SBF2: variants seen among roughly 807,000 people sequenced by gnomAD.
SBF2 encodes the protein SET binding factor 2.
SBF2 carries 112 observed loss-of-function variants against 225.2 expected under a neutral mutation model. The observed-to-expected ratio is 0.50, with a 90% CI of 0.43 to 0.58. SBF2 has a LOEUF of 0.58. SBF2 is among the 20% of genes least tolerant of loss of function. The pLI is 0.00. For synonymous variants in SBF2, 763 were observed against 773.3 expected (o/e 0.99, Z 0.22); for missense variants, 1,996 against 2,206.2 (o/e 0.90, Z 1.91).
Position 10,286,168 on chromosome 11 carries a change from A to G in SBF2, c.55+7847T>C, listed in dbSNP as rs199997432. 3.4e-3 allele frequency among the ~76,000 whole-genome samples: 198 copies of G among 57,628 alleles called. 2 individuals are homozygous for G. The highest frequency in any genetic ancestry group is 8.8e-3 in the South Asian group (19 of 2,160). 37.8% of individuals were successfully genotyped at this position (57,628 alleles called of 152,430 possible). A position where few individuals can be genotyped will look rare whatever the true frequency, so the allele number is the denominator to read the frequency against. On this transcript the variant is annotated intron_variant, in intron 1 of 39. Transcript: ENST00000256190. ...TTTCTTCACATAAACACGCACACGCACACACACACACACACACACACACAC... is the reference window on the plus strand; with the variant it reads ...TTTCTTCACATAAACACGCACACGCGCACACACACACACACACACACACAC...
intron 6 of SBF2, among the ~76,000 whole-genome samples, chr11:10,021,501 T>C (rs1948856462): frequency 6.6e-6 from 1 of 151,736 alleles, no homozygotes; most frequent in South Asian, 2.1e-4. Context: ...AAACAAGAGA[T>C]GAAGGCGATC....
chr11:9,878,983 A>G (rs949491015), intron 17 of SBF2, among the ~76,000 whole-genome samples: 1 of 152,246 alleles, frequency 6.6e-6, no homozygotes, highest in Non-Finnish European at 1.5e-5. Context: ...ACAAAGAGGA[A>G]CAACTGCAAA....
rs542970326 is a variant in SBF2 at position 10,230,810 on chromosome 11, G to C, written c.56-36823C>G. On this transcript the variant is annotated intron_variant, in intron 1 of 39. Coordinates refer to ENST00000256190, the MANE Select transcript of SBF2 (RefSeq NM_030962.4). The stretch of plus-strand genomic sequence containing the variant: ...ATCTTGGAGTTGCTCTTCTCAAGGA[G>C]TATCTTTGTGGCGTTCTCTGTATTT... 5.3e-5 allele frequency among the ~76,000 whole-genome samples: 8 copies of C among 152,228 alleles called. No homozygotes were observed. In the South Asian group the frequency reaches 1.7e-3, roughly 32 times the overall value.
chr11:9,821,730 C>T (rs1854767430), intron 28 of SBF2, among the ~76,000 whole-genome samples: 1 of 152,134 alleles, frequency 6.6e-6, no homozygotes, highest in South Asian at 2.1e-4. Context: ...CTAATGAGCA[C>T]TGCATGTGGT....
chr11:9,910,543 C>T (rs1035176225), intron 16 of SBF2, among the ~76,000 whole-genome samples: 1 of 152,020 alleles, frequency 6.6e-6, no homozygotes, highest in Non-Finnish European at 1.5e-5. Flanking sequence ...ACTGTTATCA[C>T]AGGAGATGAC....
intron 16 of SBF2, among the ~76,000 whole-genome samples, chr11:9,937,148 CA>C (rs1864953599): frequency 6.6e-6 from 1 of 152,042 alleles, no homozygotes. Flanking sequence ...AATTTAAGGA[CA>C]AAAGCTTCCA....
rs1482127515 is a variant in SBF2, at chr11:9,790,130, T to C, written c.4698+426A>G. The stretch of plus-strand genomic sequence containing the variant: ...GGGGCAGTTGCCCCGAGATATGTTA[T>C]CCTTCTTGGGCTTGGCTCCGAATAT... On this transcript the variant is annotated intron_variant, in intron 34 of 39. Transcript: ENST00000256190. 6.6e-5 allele frequency among the ~76,000 whole-genome samples: 10 copies of C among 152,374 alleles called. No individual in the cohort carries two copies. The South Asian group carries it at 1.7e-3, about 25-fold the overall frequency.
At chr11:10,189,351 G>T (rs1957069136) in intron 2 of SBF2, among the ~76,000 whole-genome samples, 1 of 152,114 alleles carries the variant, frequency 6.6e-6, no homozygotes, top group African/African-American at 2.4e-5. Flanking sequence ...AAAAGGAAGA[G>T]AAAAGTCTCT....
chr11:10,143,951 C>T (rs1389570488), intron 2 of SBF2, among the ~76,000 whole-genome samples: 1 of 152,016 alleles, frequency 6.6e-6, no homozygotes, highest in Non-Finnish European at 1.5e-5. Flanking sequence ...GATCTCCTGA[C>T]CTCGTGATCC....
intron 1 of SBF2, among the ~76,000 whole-genome samples, chr11:10,209,073 T>C (rs1367962216): frequency 1.3e-5 from 2 of 152,184 alleles, no homozygotes; most frequent in Non-Finnish European, 2.9e-5. Context: ...ATAATGCAAC[T>C]GGACATGATA....
At chr11:9,973,267 C>T (rs372277072) in intron 13 of SBF2, among the ~76,000 whole-genome samples, 2 of 152,312 alleles carry the variant, frequency 1.3e-5, no homozygotes, top group South Asian at 2.1e-4. Context: ...GTCCCTTGAA[C>T]GTCACCAAGC....
Position 10,094,382 on chromosome 11 carries a change from A to C in SBF2, c.142-51401T>G, listed in dbSNP as rs575015799. ...TTCAAAATAAGGCCTGTAATTTCCCACTTCCATTTAGAATCATTTTCAACA... is the reference window on the plus strand; with the variant it reads ...TTCAAAATAAGGCCTGTAATTTCCCCCTTCCATTTAGAATCATTTTCAACA... On this transcript the variant is annotated intron_variant, in intron 2 of 39. Coordinates refer to ENST00000256190, the MANE Select transcript of SBF2 (RefSeq NM_030962.4). Among the ~76,000 whole-genome samples, 332 of 152,130 alleles carry C rather than the reference A, an allele frequency of 2.2e-3. 2 individuals carry two copies. The highest frequency in any genetic ancestry group is 2.5e-3 in the Non-Finnish European group (169 of 68,006).
chr11:10,258,621 A>AC (rs1388535536), intron 1 of SBF2, among the ~76,000 whole-genome samples: 1 of 152,208 alleles, frequency 6.6e-6, no homozygotes, highest in Non-Finnish European at 1.5e-5. Context: ...TCTTATGATT[A>AC]CTGCTCATCC....
intron 17 of SBF2, among the ~76,000 whole-genome samples, chr11:9,881,375 G>A (rs997862777): frequency 6.6e-6 from 1 of 152,102 alleles, no homozygotes; most frequent in Non-Finnish European, 1.5e-5. Context: ...GGCTCAAAAC[G>A]CTGGGGTGAA....
chr11:10,000,732 A>C (rs1045367176), intron 8 of SBF2, among the ~76,000 whole-genome samples, 182 bp downstream of exon 8: 2 of 152,218 alleles, frequency 1.3e-5, no homozygotes, highest in Non-Finnish European at 2.9e-5. Context: ...AAAACCTCCT[A>C]TACTTGCTAT....
chr11:9,922,450 G>C (rs1202197289), intron 16 of SBF2, among the ~76,000 whole-genome samples: 2 of 151,924 alleles, frequency 1.3e-5, no homozygotes, highest in Non-Finnish European at 2.9e-5. Flanking sequence ...ATTTAAATAA[G>C]ACTTTTACAC....
chr11:10,011,276 G>T (rs968999246), intron 6 of SBF2, among the ~76,000 whole-genome samples: 1 of 152,082 alleles, frequency 6.6e-6, no homozygotes, highest in African/African-American at 2.4e-5. Flanking sequence ...ACCCAGGCTG[G>T]AGTATAGTGG....
At chr11:9,802,921 T>A (rs1456778987) in intron 32 of SBF2, among the ~76,000 whole-genome samples, 1 of 152,118 alleles carries the variant, frequency 6.6e-6, no homozygotes, top group Non-Finnish European at 1.5e-5. Context: ...GCAATTAAGG[T>A]CATATGCTTG....
chr11:9,843,906 A>C (rs566127602), intron 24 of SBF2: 1 of 152,312 alleles, frequency 6.6e-6, no homozygotes, highest in East Asian at 1.9e-4. Context: ...GGGATTTTTG[A>C]AATTTTTTCC....
Sources: allele counts gnomAD v4.1 joint callset (sites outside exome capture counted in the v4.1 genomes callset), GRCh38; gene constraint gnomAD v4.1.1; transcripts MANE v1.5; gene names NCBI Gene and HGNC (gene_info 2026-07-23, HGNC 2026-07-21).